The following SEMA5A variants were observed in gnomAD, a reference collection of about 807,000 sequenced individuals.
SEMA5A encodes the protein semaphorin 5A, also known as semaphorin-5A.
Under a neutral mutation model 135.5 loss-of-function variants are expected in SEMA5A, and 55 were observed. That is an observed-to-expected ratio of 0.41 (90% CI 0.33 to 0.51). SEMA5A has a LOEUF of 0.51. Among genes scored for constraint, SEMA5A ranks in the 20% least tolerant of loss-of-function variants. The pLI is 0.37. For synonymous variants in SEMA5A, 580 were observed against 546.5 expected (o/e 1.06, Z -0.85); for missense variants, 1,290 against 1,419.9 (o/e 0.91, Z 1.47).
chr5:9,257,079 T>C (rs1240938936), intron 5 of SEMA5A, among the ~76,000 whole-genome samples: 4 of 152,338 alleles, frequency 2.6e-5, no homozygotes, highest in Admixed American at 2.6e-4. Context: ...GTCTTCTGTC[T>C]GCATCACCAA....
At chr5:9,537,826 G>C (rs1384572443) in intron 1 of SEMA5A, among the ~76,000 whole-genome samples, 5 of 152,194 alleles carry the variant, frequency 3.3e-5, no homozygotes, top group Non-Finnish European at 7.3e-5. Context: ...CACAGGGCTG[G>C]ATAAAAAAAT....
chr5:9,113,824 G>A (rs1740371310), intron 15 of SEMA5A, among the ~76,000 whole-genome samples: 1 of 152,136 alleles, frequency 6.6e-6, no homozygotes, highest in African/African-American at 2.4e-5. Context: ...CAGAGAAATT[G>A]GAACTCTCAT....
chr5:9,508,465 G>A (rs1736027714), intron 1 of SEMA5A, among the ~76,000 whole-genome samples: 1 of 152,214 alleles, frequency 6.6e-6, no homozygotes, highest in African/African-American at 2.4e-5. Flanking sequence ...AGAAGGGATA[G>A]TTTGTAAAAT....
At position 9,256,470 on chromosome 5, in the gene SEMA5A, T is replaced by C. The variant is rs143115673; in HGVS notation, c.271-18580A>G. Among the ~76,000 whole-genome samples, 3 of 152,312 alleles carry C rather than the reference T, an allele frequency of 2.0e-5. No homozygotes were observed. In the East Asian group the frequency reaches 5.8e-4, roughly 29 times the overall value. On this transcript the variant is annotated intron_variant, in intron 5 of 22. Coordinates refer to ENST00000382496, the MANE Select transcript of SEMA5A (RefSeq NM_003966.3). Reference sequence around the variant, plus strand: ...CCCTCACCTGTGCCTGACTCCTCAATATTCAGATATTGACTCAACTGCCAC... The same window carrying C: ...CCCTCACCTGTGCCTGACTCCTCAACATTCAGATATTGACTCAACTGCCAC...
chr5:9,229,126 G>A (rs538987057), intron 6 of SEMA5A, among the ~76,000 whole-genome samples: 2 of 152,320 alleles, frequency 1.3e-5, no homozygotes, highest in African/African-American at 4.8e-5. Context: ...AATACCAAGG[G>A]TGGATTATCC....
At chr5:9,248,693 C>T (rs188765529) in intron 5 of SEMA5A, among the ~76,000 whole-genome samples, 130 of 152,086 alleles carry the variant, frequency 8.5e-4, no homozygotes, top group African/African-American at 2.8e-3. Context: ...GAGGAAGATG[C>T]GGAGCATACA....
At chr5:9,138,288 AACTC>A (rs1741870890) in intron 12 of SEMA5A, among the ~76,000 whole-genome samples, 1 of 152,216 alleles carries the variant, frequency 6.6e-6, no homozygotes, top group African/African-American at 2.4e-5. Context: ...TGTTTATACT[AACTC>A]ACATATTCTG....
chr5:9,319,729 G>A (rs545191214), intron 4 of SEMA5A, among the ~76,000 whole-genome samples: 1 of 151,220 alleles, frequency 6.6e-6, no homozygotes, highest in South Asian at 2.1e-4. Context: ...GGATCTCCAA[G>A]AAGCCAAGGA....
In SEMA5A at chr5:9,038,731, CTT is replaced by C. The variant is rs10695963; in HGVS notation, c.*4164_*4165del. 1.6e-4 allele frequency: 22 copies of C among 140,530 alleles called. No homozygotes were observed. Among genetic ancestry groups the C allele is most frequent in the Middle Eastern group, 3.4e-3 (1 of 290 alleles). The allele number at this position is 140,530 out of a possible 1,614,324, so 8.7% of individuals were successfully genotyped here. A position where few individuals can be genotyped will look rare whatever the true frequency, so the allele number is the denominator to read the frequency against. ...AGAGACCCCCCGCTAAGACTTTGTT[CTT>C]TTTTTTTTTTTTTGAGACAGGGTCT... On this transcript the variant is annotated 3_prime_UTR_variant, in exon 23 of 23. Transcript: ENST00000382496.
chr5:9,365,267 T>C lies in SEMA5A; in HGVS notation c.124+14556A>G, dbSNP rs1300220318. ...AGGCTAGTAAGTACCTCATTTGGAG[T>C]GTAAAATTTCAGGGGATCAAAAAAT... is the stretch of plus-strand genomic sequence containing the variant. On this transcript the variant is annotated intron_variant, in intron 3 of 22. Coordinates refer to ENST00000382496, the MANE Select transcript of SEMA5A (RefSeq NM_003966.3). 5.9e-5 allele frequency among the ~76,000 whole-genome samples: 9 copies of C among 152,072 alleles called. No individual in the cohort carries two copies. In the South Asian group the frequency reaches 1.9e-3, roughly 32 times the overall value.
At chr5:9,101,361 C>T (rs1739623478) in intron 16 of SEMA5A, among the ~76,000 whole-genome samples, 1 of 152,162 alleles carries the variant, frequency 6.6e-6, no homozygotes, top group Non-Finnish European at 1.5e-5. Context: ...CGCTTCTTTG[C>T]TCCAATTTCT....
intron 5 of SEMA5A, among the ~76,000 whole-genome samples, chr5:9,297,489 A>G (rs952757648): frequency 2.0e-5 from 3 of 152,078 alleles, no homozygotes; most frequent in Admixed American, 1.3e-4. Flanking sequence ...CAGACACTGA[A>G]CCTTCAGGTG....
intron 1 of SEMA5A, among the ~76,000 whole-genome samples, chr5:9,520,394 G>T (rs375140829): frequency 6.6e-6 from 1 of 152,192 alleles, no homozygotes; most frequent in Non-Finnish European, 1.5e-5. Flanking sequence ...AGGGCAGGGA[G>T]GGAGTCGCTG....
chr5:9,308,094 G>A (rs1408834679), intron 5 of SEMA5A, among the ~76,000 whole-genome samples: 2 of 152,042 alleles, frequency 1.3e-5, no homozygotes, highest in Admixed American at 6.6e-5. Flanking sequence ...GTGTCTGTTC[G>A]GTCAGAGTCA....
chr5:9,228,747 C>A (rs753530449), intron 6 of SEMA5A, among the ~76,000 whole-genome samples: 1 of 152,130 alleles, frequency 6.6e-6, no homozygotes, highest in Non-Finnish European at 1.5e-5. Context: ...CACGCCATGG[C>A]GAATGAATGA....
chr5:9,046,864 G>A (rs1432289807), intron 21 of SEMA5A, among the ~76,000 whole-genome samples: 4 of 152,180 alleles, frequency 2.6e-5, no homozygotes, highest in Non-Finnish European at 5.9e-5. Context: ...CCTGACCACT[G>A]AAGTGCCAGT....
At chr5:9,048,108 C>T (rs975967134) in intron 21 of SEMA5A, among the ~76,000 whole-genome samples, 1 of 152,222 alleles carries the variant, frequency 6.6e-6, no homozygotes, top group African/African-American at 2.4e-5. Context: ...CACTCTTGAC[C>T]TACACTGTCC....
chr5:9,213,237 C>T (rs1746437438), intron 8 of SEMA5A, among the ~76,000 whole-genome samples: 1 of 152,170 alleles, frequency 6.6e-6, no homozygotes, highest in African/African-American at 2.4e-5. Context: ...ATGTTCAGAC[C>T]ATAGCACCAT....
chr5:9,475,595 A>G (rs764096803), intron 1 of SEMA5A, among the ~76,000 whole-genome samples: 2 of 152,240 alleles, frequency 1.3e-5, no homozygotes, highest in Non-Finnish European at 2.9e-5. Flanking sequence ...ATTCATCTGC[A>G]TAATACCTAG....
Sources: gnomAD v4.1 joint callset for allele counts (sites outside exome capture counted in the v4.1 genomes callset) on GRCh38, gnomAD v4.1.1 for gene constraint, MANE v1.5 for transcripts, NCBI Gene and HGNC (gene_info 2026-07-23, HGNC 2026-07-21) for gene names.